SMURF2: variants seen among roughly 807,000 people sequenced by gnomAD.
The protein encoded by SMURF2 is SMAD specific E3 ubiquitin protein ligase 2.
Under a neutral mutation model 109.6 loss-of-function variants are expected in SMURF2, and 48 were observed. That is an observed-to-expected ratio of 0.44 (90% CI 0.35 to 0.56). The LOEUF is 0.56. Ranked by LOEUF, SMURF2 falls within the 20% of genes least tolerant of loss-of-function variation. SMURF2 has a pLI of 0.01. For synonymous variants in SMURF2, 288 were observed against 317.1 expected, an observed-to-expected ratio of 0.91 and a Z score of 0.97; for missense variants, 575 against 909.0, an observed-to-expected ratio of 0.63 and a Z score of 4.72.
At chr17:64,624,553 G>A (rs930644693) in intron 1 of SMURF2, among the ~76,000 whole-genome samples, 9 of 150,682 alleles carry the variant, frequency 6.0e-5, no homozygotes, top group Non-Finnish European at 1.3e-4. Context: ...AAGGTTTGGT[G>A]GCAAATGCCT....
chr17:64,655,461 T>G (rs1268390903), intron 1 of SMURF2, among the ~76,000 whole-genome samples: 3 of 151,668 alleles, frequency 2.0e-5, no homozygotes, highest in African/African-American at 7.3e-5. Context: ...TTTCACCATG[T>G]TGGCCAGGCT....
In SMURF2 at chr17:64,662,198, G is replaced by A. The variant is rs929229145; in HGVS notation, c.-318C>T. On this transcript the variant is annotated 5_prime_UTR_variant, in exon 1 of 19. Coordinates refer to ENST00000262435, the MANE Select transcript of SMURF2 (RefSeq NM_022739.4). ...CGAGGCCTTTCCCTCCTCTCGTCTC[G>A]GCGAGGCCCAGTAGCCGACGGGGCT... The A allele has an allele frequency of 6.6e-5, 68 of 1,034,606 alleles. No individual in the cohort carries two copies. Among genetic ancestry groups the A allele is most frequent in the Non-Finnish European group, 7.6e-5 (66 of 862,774 alleles). The allele number at this position is 1,034,606 out of a possible 1,614,324, so 64.1% of individuals were successfully genotyped here.
At chr17:64,614,093 T>C (rs930027566) in intron 1 of SMURF2, among the ~76,000 whole-genome samples, 5 of 152,102 alleles carry the variant, frequency 3.3e-5, no homozygotes, top group African/African-American at 1.2e-4. Flanking sequence ...TAATACACGA[T>C]GGGAAGTGGT....
At chr17:64,554,392 A>G (rs1392469153) in intron 15 of SMURF2, among the ~76,000 whole-genome samples, 1 of 152,200 alleles carries the variant, frequency 6.6e-6, no homozygotes, top group Non-Finnish European at 1.5e-5. Context: ...AAGTCTGGCT[A>G]TCTTGTTGGG....
At chr17:64,601,835 GGTGT>G (rs546731309) in intron 2 of SMURF2, among the ~76,000 whole-genome samples, 4 of 148,934 alleles carry the variant, frequency 2.7e-5, no homozygotes, top group Non-Finnish European at 5.9e-5. Context: ...AAAGAAATGT[GGTGT>G]GTGTGTGTGT....
intron 8 of SMURF2, among the ~76,000 whole-genome samples, chr17:64,579,761 T>G (rs1407240170): frequency 6.6e-6 from 1 of 152,208 alleles, no homozygotes; most frequent in African/African-American, 2.4e-5. Flanking sequence ...GTTATTTTCC[T>G]CTATAGAGGA....
chr17:64,629,096 C>T (rs568258574), intron 1 of SMURF2, among the ~76,000 whole-genome samples: 4 of 152,160 alleles, frequency 2.6e-5, no homozygotes, highest in Non-Finnish European at 4.4e-5. Context: ...ATATCTAATA[C>T]TCCCATGCCC....
At chr17:64,583,886 G>T (rs917011337) in intron 6 of SMURF2, among the ~76,000 whole-genome samples, 2 of 149,296 alleles carry the variant, frequency 1.3e-5, no homozygotes, top group Non-Finnish European at 2.9e-5. Flanking sequence ...AAATCACGAG[G>T]TCTCTTGACT....
At chr17:64,651,226 T>C (rs1970634837) in intron 1 of SMURF2, among the ~76,000 whole-genome samples, 1 of 150,254 alleles carries the variant, frequency 6.7e-6, no homozygotes, top group Non-Finnish European at 1.5e-5. Context: ...TATATATATA[T>C]GCTTACATTT....
At chr17:64,585,337 A>G (rs782487053) in intron 6 of SMURF2, among the ~76,000 whole-genome samples, 12 of 152,176 alleles carry the variant, frequency 7.9e-5, no homozygotes, top group Non-Finnish European at 1.6e-4. Flanking sequence ...GAGGGTAACA[A>G]TAATAGTAGC....
At position 64,543,044 on chromosome 17, in the gene SMURF2, A is replaced by G. The variant is rs1968896653; in HGVS notation, c.*2804T>C. ...ATGAAAACAGATATCACATATCTGA[A>G]ATAACAATACAGCTAGAGGGAAGAC... On this transcript the variant is annotated 3_prime_UTR_variant, in exon 19 of 19. Coordinates refer to ENST00000262435, the MANE Select transcript of SMURF2 (RefSeq NM_022739.4). The G allele has an allele frequency of 6.6e-6, 1 of 152,210 alleles. No individual in the cohort carries two copies. The highest frequency in any genetic ancestry group is 2.1e-4 in the South Asian group (1 of 4,832). 9.4% of individuals were successfully genotyped at this position (152,210 alleles called of 1,614,324 possible). A position where few individuals can be genotyped will look rare whatever the true frequency, so the allele number is the denominator to read the frequency against.
chr17:64,637,710 T>A (rs1342305920), intron 1 of SMURF2, among the ~76,000 whole-genome samples: 1 of 151,744 alleles, frequency 6.6e-6, no homozygotes, highest in Non-Finnish European at 1.5e-5. Context: ...ACTACAGTCG[T>A]GTGCCACCAT....
At chr17:64,603,058 T>C (rs1237708036) in intron 2 of SMURF2, among the ~76,000 whole-genome samples, 1 of 151,786 alleles carries the variant, frequency 6.6e-6, no homozygotes, top group Admixed American at 6.6e-5. Flanking sequence ...AAAATAACAT[T>C]TTCAACTCAA....
intron 1 of SMURF2, among the ~76,000 whole-genome samples, chr17:64,628,626 A>C (rs1490420186): frequency 1.3e-5 from 2 of 152,220 alleles, no homozygotes; most frequent in African/African-American, 4.8e-5. Context: ...GAACCAAAGG[A>C]GGTAAAACCC....
chr17:64,621,425 C>G (rs1203746794), intron 1 of SMURF2, among the ~76,000 whole-genome samples: 1 of 151,510 alleles, frequency 6.6e-6, no homozygotes, highest in Non-Finnish European at 1.5e-5. Flanking sequence ...ACTAAAAATA[C>G]AAAAATTAGC....
At chr17:64,566,602 C>A (rs376307004) in intron 10 of SMURF2, among the ~76,000 whole-genome samples, 1 of 40,908 alleles carries the variant, frequency 2.4e-5, no homozygotes, top group Non-Finnish European at 5.2e-5. Context: ...GAGACAGTCT[C>A]GCTGTGTTGC....
chr17:64,595,411 G>T (rs1969803771), intron 3 of SMURF2, among the ~76,000 whole-genome samples: 1 of 152,022 alleles, frequency 6.6e-6, no homozygotes, highest in Admixed American at 6.6e-5. Context: ...TAACATACAT[G>T]GCAACAAAAA....
At chr17:64,659,801 TG>T (rs1283216886) in intron 1 of SMURF2, among the ~76,000 whole-genome samples, 1 of 152,124 alleles carries the variant, frequency 6.6e-6, no homozygotes, top group Non-Finnish European at 1.5e-5. Flanking sequence ...AGAAAAAATA[TG>T]TTAACTTTCC....
Position 64,662,051 on chromosome 17 carries a change from C to T in SMURF2, c.-171G>A. 2.7e-6 allele frequency: 3 copies of T among 1,108,520 alleles called. No individual in the cohort carries two copies. Among genetic ancestry groups the T allele is most frequent in the Non-Finnish European group, 3.3e-6 (3 of 909,244 alleles). The allele number at this position is 1,108,520 out of a possible 1,614,324, so 68.7% of individuals were successfully genotyped here. On this transcript the variant is annotated 5_prime_UTR_variant, in exon 1 of 19. Coordinates refer to ENST00000262435, the MANE Select transcript of SMURF2 (RefSeq NM_022739.4). ...TCGTCGCCATGAGCCGCGGAGGGAG[C>T]GGGACGCCGAGCTCCCCCCTCCTCC...
Sources: gnomAD v4.1 joint callset for allele counts (sites outside exome capture counted in the v4.1 genomes callset) on GRCh38, gnomAD v4.1.1 for gene constraint, MANE v1.5 for transcripts, NCBI Gene and HGNC (gene_info 2026-07-23, HGNC 2026-07-21) for gene names.